Variants in SBF2 observed in about 807,000 individuals in gnomAD.
SBF2 encodes myotubularin-related protein 13.
Under a neutral mutation model 225.2 loss-of-function variants are expected in SBF2, and 112 were observed. That is an observed-to-expected ratio of 0.50 (90% CI 0.43 to 0.58). SBF2 has a LOEUF of 0.58. Ranked by LOEUF, SBF2 falls within the 20% of genes least tolerant of loss-of-function variation. The pLI, the probability that SBF2 is intolerant of heterozygous loss-of-function variation, is 0.00. For synonymous variants in SBF2, 763 were observed against 773.3 expected (o/e 0.99, Z 0.22); for missense variants, 1,996 against 2,206.2 (o/e 0.90, Z 1.91).
intron 3 of SBF2, 71 bp from the exon 4 acceptor site, chr11:10,031,241 A>T (rs1029773262): frequency 1.4e-6 from 2 of 1,393,100 alleles, no homozygotes; most frequent in African/African-American, 2.8e-5. Context: ...AAAGATGAAT[A>T]TCACCTTAAA....
chr11:9,893,495 T>A (rs1245597320), intron 17 of SBF2, among the ~76,000 whole-genome samples: 2 of 152,230 alleles, frequency 1.3e-5, no homozygotes, highest in Non-Finnish European at 2.9e-5. Flanking sequence ...AGAAAGTGTA[T>A]TCTCTTCCTA....
intron 3 of SBF2, among the ~76,000 whole-genome samples, chr11:10,032,641 T>C (rs1244143047): frequency 6.6e-6 from 1 of 152,234 alleles, no homozygotes; most frequent in African/African-American, 2.4e-5. Context: ...TTTATTTTTC[T>C]CCATGGCATT....
chr11:9,829,669 T>A lies in SBF2; in HGVS notation c.3653-173A>T, dbSNP rs1855270199. The A allele has an allele frequency of 4.9e-6, 3 of 609,402 alleles. No homozygotes were observed. The South Asian group carries it at 5.7e-5, about 12-fold the overall frequency. The allele number at this position is 609,402 out of a possible 1,614,324, so 37.7% of individuals were successfully genotyped here. A position where few individuals can be genotyped will look rare whatever the true frequency, so the allele number is the denominator to read the frequency against. On this transcript the variant is annotated intron_variant, in intron 27 of 39. Coordinates refer to ENST00000256190, the MANE Select transcript of SBF2 (RefSeq NM_030962.4). ...CCACTTAAATTGCCAGTCTATTAAA[T>A]GGCTAATCCTCCACTGTAATGCTGG...
At chr11:9,870,203 G>A (rs1035559281) in intron 17 of SBF2, among the ~76,000 whole-genome samples, 3 of 152,118 alleles carry the variant, frequency 2.0e-5, no homozygotes, top group African/African-American at 7.2e-5. Context: ...AAAAATCAGA[G>A]AGGACACAAA....
At chr11:9,881,360 T>C (rs1176238004) in intron 17 of SBF2, among the ~76,000 whole-genome samples, 4 of 152,132 alleles carry the variant, frequency 2.6e-5, no homozygotes, top group African/African-American at 9.7e-5. Context: ...TACTATCACA[T>C]ATGAGGCTCA....
Position 10,281,964 on chromosome 11 carries a change from T to C in SBF2, c.55+12051A>G, listed in dbSNP as rs533526241. Among the ~76,000 whole-genome samples, 20 of 152,330 alleles carry C rather than the reference T, an allele frequency of 1.3e-4. No individual in the cohort carries two copies. In the South Asian group the frequency reaches 3.7e-3, roughly 28 times the overall value. On this transcript the variant is annotated intron_variant, in intron 1 of 39. Transcript: ENST00000256190. ...AACAAGCCATGAGTTGCAGGTCATA[T>C]TGAACTTCTAAAAAGAAATGAAACA...
chr11:9,929,605 T>G (rs1864332892), intron 16 of SBF2, among the ~76,000 whole-genome samples: 1 of 152,136 alleles, frequency 6.6e-6, no homozygotes, highest in Admixed American at 6.5e-5. Context: ...GCAGCTGGCA[T>G]TGGTCAACAG....
At chr11:10,063,848 C>A (rs865960491) in intron 2 of SBF2, among the ~76,000 whole-genome samples, 1 of 116,584 alleles carries the variant, frequency 8.6e-6, no homozygotes, top group South Asian at 2.7e-4. Flanking sequence ...CACACACACA[C>A]ACACACACAC....
intron 16 of SBF2, among the ~76,000 whole-genome samples, chr11:9,948,597 T>C (rs1865692367): frequency 6.6e-6 from 1 of 152,168 alleles, no homozygotes; most frequent in Admixed American, 6.6e-5. Context: ...TAGACTCATA[T>C]TTAGAAACCA....
intron 16 of SBF2, among the ~76,000 whole-genome samples, chr11:9,911,251 C>T (rs1862592235): frequency 6.6e-6 from 1 of 151,396 alleles, no homozygotes; most frequent in African/African-American, 2.4e-5. Flanking sequence ...GCCTGTAATC[C>T]CAGCTACTCA....
At chr11:10,203,650 T>G (rs4909919) in intron 1 of SBF2, among the ~76,000 whole-genome samples, 1 of 152,058 alleles carries the variant, frequency 6.6e-6, no homozygotes, top group Admixed American at 6.5e-5. Context: ...TCAACTGAAA[T>G]AGACTCCAAA....
At position 10,042,995 on chromosome 11, in the gene SBF2, A is replaced by G; in HGVS notation, c.142-14T>C. ...AGGCTGACAAAACTAAATGAAATAG[A>G]AAAAAAAATGTAACATTTAAAAACA... On this transcript the variant is annotated splice_polypyrimidine_tract_variant and intron_variant, in intron 2 of 39. Coordinates refer to ENST00000256190, the MANE Select transcript of SBF2 (RefSeq NM_030962.4). The G allele has an allele frequency of 6.3e-7, 1 of 1,594,000 alleles. No homozygotes were observed. Among genetic ancestry groups the G allele is most frequent in the Non-Finnish European group, 8.6e-7 (1 of 1,164,640 alleles).
intron 2 of SBF2, among the ~76,000 whole-genome samples, chr11:10,191,033 G>A (rs1006920041): frequency 1.3e-5 from 2 of 152,090 alleles, no homozygotes; most frequent in Admixed American, 6.5e-5. Flanking sequence ...ACTTATTTGT[G>A]AATTAATATA....
chr11:9,953,171 C>G (rs1372871265), intron 16 of SBF2, among the ~76,000 whole-genome samples: 1 of 152,176 alleles, frequency 6.6e-6, no homozygotes, highest in Non-Finnish European at 1.5e-5. Context: ...TTGGGTTGGG[C>G]ACAGTGGCTT....
intron 2 of SBF2, chr11:10,149,654 A>T (rs1033927932): frequency 1.3e-5 from 2 of 152,182 alleles, no homozygotes; most frequent in Admixed American, 1.3e-4. Context: ...CCTTAGGCCA[A>T]TGTCATATAC....
At chr11:9,814,891 A>G (rs1026290385) in intron 29 of SBF2, among the ~76,000 whole-genome samples, 2 of 152,182 alleles carry the variant, frequency 1.3e-5, no homozygotes, top group Non-Finnish European at 2.9e-5. Flanking sequence ...ATGTGAATTT[A>G]CCTAGGTAAA....
rs761953222 is a variant in SBF2, at chr11:10,283,320, C to T, written c.55+10695G>A. ...ACAAACAGCAACTAGAAAATACCAA[C>T]TACTTCAGGGGAGAAAACTCAGGCT... On this transcript the variant is annotated intron_variant, in intron 1 of 39. Transcript: ENST00000256190. Among the ~76,000 whole-genome samples the T allele has an allele frequency of 3.4e-4, 52 of 152,172 alleles. 1 individual carries two copies. The Middle Eastern group carries it at 0.01, about 30-fold the overall frequency.
At chr11:10,117,973 C>T (rs954767624) in intron 2 of SBF2, among the ~76,000 whole-genome samples, 1 of 152,122 alleles carries the variant, frequency 6.6e-6, no homozygotes, top group Non-Finnish European at 1.5e-5. Context: ...TGTCATTCTG[C>T]ATCTCACAAG....
intron 16 of SBF2, among the ~76,000 whole-genome samples, chr11:9,941,311 G>T (rs900709305): frequency 2.0e-5 from 3 of 151,762 alleles, no homozygotes; most frequent in Non-Finnish European, 4.4e-5. Flanking sequence ...AATGGAGCAA[G>T]ACCCTGTCTC....
Sources: gnomAD v4.1 joint callset for allele counts (sites outside exome capture counted in the v4.1 genomes callset) on GRCh38, gnomAD v4.1.1 for gene constraint, MANE v1.5 for transcripts, NCBI Gene and HGNC (gene_info 2026-07-23, HGNC 2026-07-21) for gene names.